The following CNOT4 variants were observed in gnomAD, a reference collection of about 807,000 sequenced individuals.
The protein encoded by CNOT4 is CCR4-NOT transcription complex subunit 4, also known as CCR4-associated factor 4.
A neutral mutation model predicts 73.8 loss-of-function variants in CNOT4; 8 were observed. The ratio of observed to expected loss-of-function variants is 0.11; its 90% CI spans 0.06 to 0.20. The LOEUF (loss-of-function observed/expected upper bound fraction) is 0.20. CNOT4 is among the 10% of genes least tolerant of loss of function. CNOT4 has a pLI of 1.00. For synonymous variants in CNOT4, 293 were observed against 321.1 expected (o/e 0.91, Z 0.94); for missense variants, 564 against 883.4 (o/e 0.64, Z 4.58).
chr7:135,450,031 C>T (rs896914274), intron 1 of CNOT4, among the ~76,000 whole-genome samples: 1 of 151,984 alleles, frequency 6.6e-6, no homozygotes, highest in South Asian at 2.1e-4. Context: ...TTCATGTATG[C>T]TTAAAAAATT....
At chr7:135,488,185 T>C (rs1169380083) in intron 1 of CNOT4, among the ~76,000 whole-genome samples, 2 of 152,220 alleles carry the variant, frequency 1.3e-5, no homozygotes, top group South Asian at 2.1e-4. Context: ...AAGTCTTTTT[T>C]TGAGCTCTGT....
At chr7:135,445,258 T>TTATTAC (rs1799751541) in intron 1 of CNOT4, among the ~76,000 whole-genome samples, 2 of 152,302 alleles carry the variant, frequency 1.3e-5, no homozygotes, top group South Asian at 4.1e-4. Context: ...GAATCCAGCT[T>TTATTAC]TATTACTATT....
intron 3 of CNOT4, among the ~76,000 whole-genome samples, chr7:135,416,913 C>T (rs1328955092): frequency 1.3e-5 from 2 of 152,148 alleles, no homozygotes; most frequent in East Asian, 3.8e-4. Flanking sequence ...TTTCTGAATG[C>T]CCTGCAAGAC....
chr7:135,498,375 A>G (rs1803731434), intron 1 of CNOT4, among the ~76,000 whole-genome samples: 3 of 152,232 alleles, frequency 2.0e-5, no homozygotes, highest in Admixed American at 2.0e-4. Context: ...TACACCATCT[A>G]TCATTCAGAG....
At chr7:135,487,825 A>T (rs1278247402) in intron 1 of CNOT4, among the ~76,000 whole-genome samples, 1 of 152,166 alleles carries the variant, frequency 6.6e-6, no homozygotes, top group East Asian at 1.9e-4. Flanking sequence ...AGGCCAAGGC[A>T]GGCGGATCAC....
rs564908475 is a variant in CNOT4, at chr7:135,395,795, C to T, written c.968G>A (p.Arg323Gln). The change falls in exon 9 of 12, where the codon CGG becomes CAG. Residue 323 changes from arginine to glutamine, a missense_variant. Coordinates refer to ENST00000541284, the MANE Select transcript of CNOT4 (RefSeq NM_001190850.2). ...TGTTACTGCCCCTTCAAAAGGGGAC[C>T]GTGCACTGTGATTGGATGAACTGAT... ...IPISSSNHSA[R>Q]SPFEGAVTES... 3.7e-6 allele frequency: 6 copies of T among 1,613,498 alleles called. No individual in the cohort carries two copies. Among genetic ancestry groups the T allele is most frequent in the East Asian group, 2.2e-5 (1 of 44,880 alleles).
chr7:135,429,832 C>A (rs944636390), intron 2 of CNOT4, among the ~76,000 whole-genome samples: 2 of 152,184 alleles, frequency 1.3e-5, no homozygotes, highest in Non-Finnish European at 2.9e-5. Flanking sequence ...ACCATAACTA[C>A]CCCAGCTTTC....
At chr7:135,507,027 T>C (rs1482663812) in intron 1 of CNOT4, among the ~76,000 whole-genome samples, 2 of 152,172 alleles carry the variant, frequency 1.3e-5, no homozygotes, top group African/African-American at 2.4e-5. Flanking sequence ...TAAGATATTT[T>C]TTCATTCCTT....
intron 2 of CNOT4, among the ~76,000 whole-genome samples, chr7:135,437,956 C>T (rs1445272959): frequency 1.3e-5 from 2 of 152,146 alleles, no homozygotes; most frequent in African/African-American, 2.4e-5. Flanking sequence ...AAAGATCATA[C>T]AGCTAGTAAA....
chr7:135,486,846 A>G, intron 1 of CNOT4, among the ~76,000 whole-genome samples: 1 of 152,192 alleles, frequency 6.6e-6, no homozygotes, highest in East Asian at 1.9e-4. Flanking sequence ...TTTTTAAAGA[A>G]ATGTTTATGA....
intron 1 of CNOT4, among the ~76,000 whole-genome samples, chr7:135,499,993 T>C (rs1039318484): frequency 2.0e-5 from 3 of 152,316 alleles, no homozygotes; most frequent in South Asian, 2.1e-4. Context: ...ATTACTAGAA[T>C]GAAAGAGGTC....
intron 1 of CNOT4, chr7:135,444,582 T>C: frequency 7.3e-7 from 1 of 1,367,148 alleles, no homozygotes; most frequent in African/African-American, 1.4e-5. Context: ...CCCAGAATGA[T>C]GTGGAGTACA....
intron 1 of CNOT4, among the ~76,000 whole-genome samples, chr7:135,488,042 CAG>C (rs1802852427): frequency 6.7e-6 from 1 of 149,964 alleles, no homozygotes; most frequent in East Asian, 2.0e-4. Flanking sequence ...GCCTGGGCGA[CAG>C]AGTGAGACTC....
intron 1 of CNOT4, among the ~76,000 whole-genome samples, chr7:135,473,434 G>C (rs561754752): frequency 6.6e-6 from 1 of 152,160 alleles, no homozygotes; most frequent in East Asian, 1.9e-4. Flanking sequence ...ATTTATTAAA[G>C]CATTACTAAT....
At chr7:135,440,303 T>C (rs1042051454) in intron 1 of CNOT4, among the ~76,000 whole-genome samples, 1 of 147,412 alleles carries the variant, frequency 6.8e-6, no homozygotes, top group African/African-American at 2.5e-5. Flanking sequence ...GAAAAAATGA[T>C]CAATCTTTAG....
intron 2 of CNOT4, among the ~76,000 whole-genome samples, chr7:135,430,883 T>G (rs1453517046): frequency 1.3e-5 from 2 of 152,172 alleles, no homozygotes; most frequent in African/African-American, 4.8e-5. Context: ...CTGCTAAGAT[T>G]GGGAACAAAG....
At chr7:135,447,252 G>C (rs2129485734) in intron 1 of CNOT4, among the ~76,000 whole-genome samples, 1 of 152,304 alleles carries the variant, frequency 6.6e-6, no homozygotes, top group East Asian at 1.9e-4. Flanking sequence ...ACAGACTAAA[G>C]AGTAGCTATG....
rs1794799700 is a variant in CNOT4, at chr7:135,364,308, T to A, written c.1628-242A>T. Reference sequence around the variant, plus strand: ...GGGAGGTTCTTGTCTCTCTATAGCCTCTTCACCATTATGGGTTTGTAAATC... The same window carrying A: ...GGGAGGTTCTTGTCTCTCTATAGCCACTTCACCATTATGGGTTTGTAAATC... On this transcript the variant is annotated intron_variant, in intron 10 of 11. Transcript: ENST00000541284. The surrounding 1 kb of genome is among the most constrained non-coding windows in gnomAD (Gnocchi z 4.3). Among the ~76,000 whole-genome samples, 1 of 152,186 alleles carries A rather than the reference T, an allele frequency of 6.6e-6. No homozygotes were observed. The highest frequency in any genetic ancestry group is 2.4e-5 in the African/African-American group (1 of 41,454).
rs550398210 is a variant in CNOT4, at chr7:135,485,911, CA to C, written c.-93+23977del. Among the ~76,000 whole-genome samples the C allele has an allele frequency of 2.9e-4, 44 of 152,294 alleles. No individual in the cohort carries two copies. The East Asian group carries it at 4.8e-3, about 17-fold the overall frequency. On this transcript the variant is annotated intron_variant, in intron 1 of 11. Coordinates refer to ENST00000541284, the MANE Select transcript of CNOT4 (RefSeq NM_001190850.2). ...CACTTGACACCAAAAGCACGATCCA[CA>C]AAAGGAAGAACTGCTATACTGAACC... is the stretch of plus-strand genomic sequence containing the variant.
Sources: allele counts gnomAD v4.1 joint callset (sites outside exome capture counted in the v4.1 genomes callset), GRCh38; gene constraint gnomAD v4.1.1; non-coding constraint Gnocchi (gnomAD v3.1); transcripts MANE v1.5; gene names NCBI Gene and HGNC (gene_info 2026-07-23, HGNC 2026-07-21).